Variants in SESN1 observed in about 807,000 individuals in gnomAD.
The protein encoded by SESN1 is sestrin-1.
In SESN1, 30 loss-of-function variants were observed where a neutral mutation model predicts 59.3. That is an observed-to-expected ratio of 0.51 (90% CI 0.38 to 0.69). The LOEUF (loss-of-function observed/expected upper bound fraction) is 0.69. SESN1 is among the 30% of genes least tolerant of loss of function. The pLI is 0.00. For synonymous variants in SESN1, 197 were observed against 219.9 expected, an observed-to-expected ratio of 0.90 and a Z score of 0.92; for missense variants, 566 against 673.0, an observed-to-expected ratio of 0.84 and a Z score of 1.76.
intron 5 of SESN1, among the ~76,000 whole-genome samples, chr6:108,995,745 C>T (rs1779491199): frequency 6.6e-6 from 1 of 152,160 alleles, no homozygotes; most frequent in African/African-American, 2.4e-5. Context: ...GATTGTGCCA[C>T]TGTATTCCAG....
intron 1 of SESN1, among the ~76,000 whole-genome samples, chr6:109,033,562 C>A (rs1780213276): frequency 6.6e-6 from 1 of 152,126 alleles, no homozygotes; most frequent in African/African-American, 2.4e-5. Context: ...TAAGGTAGCA[C>A]AATTAATTAG....
rs1554267118 is a variant in SESN1 at position 109,078,841 on chromosome 6, C to G, written c.279+14954G>C. Among the ~76,000 whole-genome samples, 3 of 151,624 alleles carry G rather than the reference C, an allele frequency of 2.0e-5. No homozygotes were observed. In the South Asian group the frequency reaches 6.2e-4, roughly 32 times the overall value. On this transcript the variant is annotated intron_variant, in intron 1 of 9. Transcript: ENST00000436639. ...TCTGCTATAGAGGTGCTGTGGGATT[C>G]AGGAAAAAAAATAACAACCCTGTAA...
At chr6:109,024,946 G>A (rs577822215) in intron 1 of SESN1, among the ~76,000 whole-genome samples, 3 of 152,194 alleles carry the variant, frequency 2.0e-5, no homozygotes, top group Non-Finnish European at 4.4e-5. Context: ...AACTGGCAAA[G>A]TAACAGAAAT....
chr6:109,043,838 G>A (rs1418288843), intron 1 of SESN1, among the ~76,000 whole-genome samples: 1 of 152,028 alleles, frequency 6.6e-6, no homozygotes, highest in African/African-American at 2.4e-5. Flanking sequence ...TCAACAAACT[G>A]ATTCAAAATT....
chr6:109,090,294 T>A (rs750630763), intron 1 of SESN1, among the ~76,000 whole-genome samples: 1 of 152,164 alleles, frequency 6.6e-6, no homozygotes, highest in Admixed American at 6.5e-5. Flanking sequence ...ACATTTCAGC[T>A]GATGATGGAC....
intron 1 of SESN1, among the ~76,000 whole-genome samples, chr6:109,010,638 T>C (rs1348228952): frequency 6.6e-6 from 1 of 152,110 alleles, no homozygotes; most frequent in Non-Finnish European, 1.5e-5. Flanking sequence ...ATGGTTACTT[T>C]TTATTTATCT....
rs570719149 is a variant in SESN1, at chr6:109,008,059, A to G, written c.280-5716T>C. Reference sequence around the variant, plus strand: ...TGTTGGGATGTATTAAAAATGAAATACAACTATACAAAGCTTCCCGGTTTC... The same window carrying G: ...TGTTGGGATGTATTAAAAATGAAATGCAACTATACAAAGCTTCCCGGTTTC... On this transcript the variant is annotated intron_variant, in intron 1 of 9. Coordinates refer to ENST00000436639, the MANE Select transcript of SESN1 (RefSeq NM_014454.3). 3.6e-3 allele frequency among the ~76,000 whole-genome samples: 552 copies of G among 152,306 alleles called. 12 individuals are homozygous for G. The highest frequency in any genetic ancestry group is 1.2e-3 in the Non-Finnish European group (80 of 68,016).
intron 5 of SESN1, among the ~76,000 whole-genome samples, chr6:108,997,867 GAATTA>G (rs1779532723): frequency 6.6e-6 from 1 of 152,082 alleles, no homozygotes; most frequent in Non-Finnish European, 1.5e-5. Context: ...TCATATACAG[GAATTA>G]AAATTTGCTT....
intron 1 of SESN1, among the ~76,000 whole-genome samples, chr6:109,018,812 A>T (rs528650806): frequency 2.6e-5 from 4 of 152,264 alleles, no homozygotes; most frequent in African/African-American, 9.6e-5. Context: ...AATTTCAGGG[A>T]TGACTTCTAT....
chr6:108,987,551 A>C lies in SESN1; in HGVS notation c.1649T>G (p.Met550Arg). The C allele has an allele frequency of 6.3e-7, 1 of 1,578,184 alleles. No homozygotes were observed. Among genetic ancestry groups the C allele is most frequent in the Non-Finnish European group, 8.7e-7 (1 of 1,148,006 alleles). ...TTTAATGAAGGAAAGGCATCAGGTC[A>C]TATAGCGGGTAATGGCTCTCAGAGC... ...LYALRAITRY[M>R]T Residue 550 changes from methionine to arginine, a missense_variant, in exon 10 of 10, where the codon ATG (methionine) becomes AGG (arginine). By Grantham distance (91) the Met-to-Arg change is moderately conservative. Coordinates refer to ENST00000436639, the MANE Select transcript of SESN1 (RefSeq NM_014454.3).
intron 5 of SESN1, among the ~76,000 whole-genome samples, chr6:108,996,382 TAG>T (rs1011808149): frequency 2.0e-5 from 3 of 152,168 alleles, no homozygotes; most frequent in Non-Finnish European, 4.4e-5. Context: ...ATTCCTGACA[TAG>T]AGTCAGTAAC....
rs1395166199 is a variant in SESN1, at chr6:109,045,888, A to G, written c.280-43545T>C. Among the ~76,000 whole-genome samples the G allele has an allele frequency of 3.3e-5, 5 of 152,264 alleles. No individual in the cohort carries two copies. In the East Asian group the frequency reaches 9.6e-4, roughly 29 times the overall value. ...TAGATAATACATGTTTCTGAAATAA[A>G]TAAATGTGAGGCACGATATGGAAGA... On this transcript the variant is annotated intron_variant, in intron 1 of 9. Coordinates refer to ENST00000436639, the MANE Select transcript of SESN1 (RefSeq NM_014454.3).
At chr6:109,063,487 C>A (rs566570577) in intron 1 of SESN1, among the ~76,000 whole-genome samples, 1 of 152,234 alleles carries the variant, frequency 6.6e-6, no homozygotes, top group East Asian at 1.9e-4. Flanking sequence ...GGAGACAGAG[C>A]AATCAAAATT....
At chr6:109,008,877 GTTT>G in intron 1 of SESN1, 2 of 985,798 alleles carry the variant, frequency 2.0e-6, no homozygotes, top group Non-Finnish European at 2.4e-6. Context: ...AGTCAAATGT[GTTT>G]TTTTTCTTTC....
chr6:109,009,004 G>A, intron 1 of SESN1: 1 of 1,024,072 alleles, frequency 9.8e-7, no homozygotes, highest in Non-Finnish European at 1.2e-6. Context: ...AAGACTCGAG[G>A]TCTGCTGGAT....
In SESN1 at chr6:108,984,812, G is replaced by C. The variant is rs755551757; in HGVS notation, c.*2732C>G. Among the ~76,000 whole-genome samples, 2 of 152,164 alleles carry C rather than the reference G, an allele frequency of 1.3e-5. No individual in the cohort carries two copies. Among genetic ancestry groups the C allele is most frequent in the Non-Finnish European group, 2.9e-5 (2 of 68,038 alleles). ...TCTTGATCACACCATCCTCTGCTGG[G>C]GAAGAGCTAGGGTGAGCAAAATCCA... On this transcript the variant is annotated 3_prime_UTR_variant, in exon 10 of 10. Coordinates refer to ENST00000436639, the MANE Select transcript of SESN1 (RefSeq NM_014454.3).
intron 1 of SESN1, among the ~76,000 whole-genome samples, chr6:109,021,909 C>A (rs1251335379): frequency 1.3e-5 from 2 of 152,148 alleles, no homozygotes; most frequent in African/African-American, 2.4e-5. Context: ...CCAAATATTA[C>A]TGAAAGTTTC....
chr6:108,998,781 T>G (rs942175332), intron 4 of SESN1, 26 bp from the exon 5 acceptor site: 22 of 1,588,038 alleles, frequency 1.4e-5, no homozygotes, highest in Non-Finnish European at 1.9e-5. Context: ...AAAAAGAATA[T>G]ATTTTTGTAC....
At chr6:109,024,608 A>C (rs892237500) in intron 1 of SESN1, among the ~76,000 whole-genome samples, 1 of 152,246 alleles carries the variant, frequency 6.6e-6, no homozygotes, top group African/African-American at 2.4e-5. Flanking sequence ...AAATATCATA[A>C]GTAAAAAATG....
Sources: allele counts gnomAD v4.1 joint callset (sites outside exome capture counted in the v4.1 genomes callset), GRCh38; gene constraint gnomAD v4.1.1; transcripts MANE v1.5; gene names NCBI Gene and HGNC (gene_info 2026-07-23, HGNC 2026-07-21).